Variants in MRPS27 observed in about 807,000 individuals in gnomAD.
MRPS27 encodes the protein small ribosomal subunit protein mS27.
Under a neutral mutation model 48.9 loss-of-function variants are expected in MRPS27, and 43 were observed. The ratio of observed to expected loss-of-function variants is 0.88; its 90% CI spans 0.69 to 1.13. MRPS27 has a LOEUF of 1.13. Among genes scored for constraint, MRPS27 ranks in the 50% most tolerant of loss-of-function variants. The pLI is 0.00. For missense variants in MRPS27, 467 were observed against 476.3 expected (o/e 0.98, Z 0.18); for synonymous variants, 188 against 171.9 (o/e 1.09, Z -0.73).
At chr5:72,280,951 AG>A (rs1749518292) in intron 4 of MRPS27, among the ~76,000 whole-genome samples, 1 of 152,198 alleles carries the variant, frequency 6.6e-6, no homozygotes, top group South Asian at 2.1e-4. Context: ...GCTGTCTTTT[AG>A]GGTCAGGAAG....
At chr5:72,282,840 A>T (rs940246630) in intron 4 of MRPS27, among the ~76,000 whole-genome samples, 3 of 152,222 alleles carry the variant, frequency 2.0e-5, no homozygotes, top group Non-Finnish European at 4.4e-5. Flanking sequence ...GAAGTCTGTC[A>T]CCTAAATCCA....
chr5:72,233,804 C>T (rs911427140), intron 6 of MRPS27, among the ~76,000 whole-genome samples: 2 of 152,040 alleles, frequency 1.3e-5, no homozygotes, highest in African/African-American at 2.4e-5. Flanking sequence ...CAAAATTATA[C>T]TTGAAAAATA....
rs116364205 is a variant in MRPS27, at chr5:72,262,834, G to A, written c.282-24706C>T. Among the ~76,000 whole-genome samples, 564 of 152,040 alleles carry A rather than the reference G, an allele frequency of 3.7e-3. 1 individual carries two copies. Among genetic ancestry groups the A allele is most frequent in the African/African-American group, 0.013 (548 of 41,474 alleles). ...CCCTGAGGCTAGATTGCAGTGGCAG[G>A]ATCATAGCTCACTGCACCCTTGAAC... On this transcript the variant is annotated intron_variant, in intron 4 of 10. Transcript: ENST00000261413.
intron 1 of MRPS27, 112 bp from the exon 2 acceptor site, chr5:72,314,270 A>AAATAT: frequency 4.1e-6 from 3 of 723,924 alleles, no homozygotes; most frequent in Non-Finnish European, 6.7e-6. Flanking sequence ...ATATATTTTA[A>AAATAT]ATAATCTAAT....
chr5:72,285,347 TAAC>T (rs1332295658), intron 4 of MRPS27, among the ~76,000 whole-genome samples: 2 of 152,240 alleles, frequency 1.3e-5, no homozygotes, highest in African/African-American at 4.8e-5. Context: ...TGTTTGCTGA[TAAC>T]AACATCAATC....
At position 72,279,296 on chromosome 5, in the gene MRPS27, A is replaced by T. The variant is rs114571468; in HGVS notation, c.281+16235T>A. On this transcript the variant is annotated intron_variant, in intron 4 of 10. Transcript: ENST00000261413. ...TTTTTATTCTGTGAACTGCTGGTTC[A>T]TATTCTCTATCCACTTTTCTAAAAT... Among the ~76,000 whole-genome samples the T allele has an allele frequency of 4.5e-3, 683 of 152,306 alleles. 6 individuals are homozygous for T. The highest frequency in any genetic ancestry group is 0.014 in the African/African-American group (597 of 41,574).
intron 4 of MRPS27, among the ~76,000 whole-genome samples, chr5:72,259,945 G>C (rs545790131): frequency 6.6e-6 from 1 of 150,790 alleles, no homozygotes; most frequent in South Asian, 2.1e-4. Context: ...TAGTAGTTAG[G>C]GTGGATGGAC....
At chr5:72,292,123 T>C (rs1365304652) in intron 4 of MRPS27, among the ~76,000 whole-genome samples, 1 of 152,100 alleles carries the variant, frequency 6.6e-6, no homozygotes, top group African/African-American at 2.4e-5. Context: ...TTATTTTGTT[T>C]ATTTTACTTT....
At chr5:72,243,907 T>A (rs796071378) in intron 4 of MRPS27, among the ~76,000 whole-genome samples, 5 of 152,208 alleles carry the variant, frequency 3.3e-5, no homozygotes, top group South Asian at 4.1e-4. Context: ...ACAATCAAGA[T>A]AAGCCCCCTT....
intron 4 of MRPS27, among the ~76,000 whole-genome samples, chr5:72,255,649 C>T (rs1377739213): frequency 6.6e-6 from 1 of 152,196 alleles, no homozygotes; most frequent in Admixed American, 6.5e-5. Flanking sequence ...AAGATTATTT[C>T]ATTTACTTAT....
At chr5:72,318,716 C>T (rs921214997) in intron 1 of MRPS27, among the ~76,000 whole-genome samples, 2 of 151,958 alleles carry the variant, frequency 1.3e-5, no homozygotes, top group African/African-American at 4.8e-5. Flanking sequence ...ATCACTTGAA[C>T]CCGGGAGGCA....
At chr5:72,276,919 T>C (rs946763704) in intron 4 of MRPS27, among the ~76,000 whole-genome samples, 1 of 152,024 alleles carries the variant, frequency 6.6e-6, no homozygotes, top group African/African-American at 2.4e-5. Flanking sequence ...TAGTCCCAGC[T>C]ACTTGGGAGG....
intron 4 of MRPS27, among the ~76,000 whole-genome samples, chr5:72,272,468 A>G (rs1561348330): frequency 6.6e-6 from 1 of 152,234 alleles, no homozygotes; most frequent in Admixed American, 6.5e-5. Flanking sequence ...ACCAGCTCTC[A>G]GTAAAAACCT....
chr5:72,220,671 C>A lies in MRPS27; in HGVS notation c.*238G>T. On this transcript the variant is annotated 3_prime_UTR_variant, in exon 11 of 11. Coordinates refer to ENST00000261413, the MANE Select transcript of MRPS27 (RefSeq NM_015084.3). Reference sequence around the variant, plus strand: ...GAACTCCATTATGAGCCTCAAGAGTCCTCCTTAAGGTATTCAGCTGGTGAC... The same window carrying A: ...GAACTCCATTATGAGCCTCAAGAGTACTCCTTAAGGTATTCAGCTGGTGAC... 1.9e-6 allele frequency: 1 copy of A among 539,654 alleles called. No homozygotes were observed. Among genetic ancestry groups the A allele is most frequent in the Non-Finnish European group, 3.3e-6 (1 of 307,486 alleles). The allele number at this position is 539,654 out of a possible 1,614,324, so 33.4% of individuals were successfully genotyped here. A position where few individuals can be genotyped will look rare whatever the true frequency, so the allele number is the denominator to read the frequency against.
intron 2 of MRPS27, among the ~76,000 whole-genome samples, chr5:72,304,408 T>G (rs762704863): frequency 6.6e-5 from 10 of 152,118 alleles, no homozygotes; most frequent in Admixed American, 6.5e-5. Flanking sequence ...TAAAAGATAA[T>G]GATTGTCAGA....
At chr5:72,268,222 CTTAAT>C (rs1749149272) in intron 4 of MRPS27, among the ~76,000 whole-genome samples, 1 of 152,138 alleles carries the variant, frequency 6.6e-6, no homozygotes, top group African/African-American at 2.4e-5. Context: ...ATACAACAAA[CTTAAT>C]TTATCATTGC....
chr5:72,308,636 ACCATGCGGCCTCCCTG>A (rs930018655), intron 2 of MRPS27, among the ~76,000 whole-genome samples: 1 of 152,210 alleles, frequency 6.6e-6, no homozygotes, highest in African/African-American at 2.4e-5. Flanking sequence ...CGCTCTCCCT[ACCATGCGGCCTCCCTG>A]CTAAGTGCCA....
chr5:72,251,117 T>C (rs1031352878), intron 4 of MRPS27, among the ~76,000 whole-genome samples: 2 of 152,180 alleles, frequency 1.3e-5, no homozygotes, highest in African/African-American at 4.8e-5. Flanking sequence ...TATGAACTCT[T>C]ATGATTATTA....
intron 3 of MRPS27, among the ~76,000 whole-genome samples, chr5:72,296,957 G>A (rs2112064285): frequency 6.6e-6 from 1 of 152,246 alleles, no homozygotes; most frequent in South Asian, 2.1e-4. Flanking sequence ...TCATGTTAAA[G>A]ACAAGCCCAG....
Sources: allele counts gnomAD v4.1 joint callset (sites outside exome capture counted in the v4.1 genomes callset), GRCh38; gene constraint gnomAD v4.1.1; transcripts MANE v1.5; gene names NCBI Gene and HGNC (gene_info 2026-07-23, HGNC 2026-07-21).